Variants in ADCY9 observed in about 807,000 individuals in gnomAD.
ADCY9 encodes adenylate cyclase 9.
ADCY9 carries 50 observed loss-of-function variants against 101.5 expected under a neutral mutation model. The ratio of observed to expected loss-of-function variants is 0.49; its 90% CI spans 0.39 to 0.62. ADCY9 has a LOEUF of 0.62. ADCY9 is among the 20% of genes least tolerant of loss of function. The pLI is 0.00. For synonymous variants in ADCY9, 905 were observed against 769.3 expected (o/e 1.18, Z -2.92); for missense variants, 1,662 against 1,800.4 (o/e 0.92, Z 1.39).
Position 3,993,502 on chromosome 16 carries a change from A to C in ADCY9, c.1893T>G (p.Pro631=). The C allele has an allele frequency of 1.9e-6, 3 of 1,614,084 alleles. No individual in the cohort carries two copies. The highest frequency in any genetic ancestry group is 2.5e-6 in the Non-Finnish European group (3 of 1,180,016). ...VKTFDNLKTC[P]SCGITFAPKS... is the part of the protein sequence containing the mutation. ...TGGGAGCAAATGTGATTCCGCACGA[A>C]GGGCAGGTCTAGAAGAAAAACACAG... Residue 631 remains proline, a synonymous_variant, in exon 4 of 11, where the codon CCT becomes CCG. Coordinates refer to ENST00000294016, the MANE Select transcript of ADCY9 (RefSeq NM_001116.4).
chr16:4,059,644 T>C (rs573027053), intron 2 of ADCY9, among the ~76,000 whole-genome samples: 117 of 152,214 alleles, frequency 7.7e-4, no homozygotes, highest in Non-Finnish European at 1.4e-3. Flanking sequence ...CCACCTGCAA[T>C]TGTAGCACTT....
In ADCY9 at chr16:3,963,893, T is replaced by C. The variant is rs1249035443; in HGVS notation, c.*1882A>G. 6.6e-6 allele frequency: 1 copy of C among 151,994 alleles called. No homozygotes were observed. Among genetic ancestry groups the C allele is most frequent in the Non-Finnish European group, 1.5e-5 (1 of 67,940 alleles). 9.4% of individuals were successfully genotyped at this position (151,994 alleles called of 1,614,324 possible). A position where few individuals can be genotyped will look rare whatever the true frequency, so the allele number is the denominator to read the frequency against. ...TAATACATTCTTTAGAAGCAAGAGG[T>C]ATTGTCACAACCACCCTTTCTTCGG... On this transcript the variant is annotated 3_prime_UTR_variant, in exon 11 of 11. Transcript: ENST00000294016.
At chr16:4,011,134 G>A (rs2056401803) in intron 2 of ADCY9, among the ~76,000 whole-genome samples, 2 of 152,156 alleles carry the variant, frequency 1.3e-5, no homozygotes, top group South Asian at 4.1e-4. Flanking sequence ...AGGTCAGCCC[G>A]GCAATAGCAA....
intron 2 of ADCY9, among the ~76,000 whole-genome samples, chr16:4,014,976 G>C (rs560176605): frequency 8.7e-6 from 1 of 114,522 alleles, no homozygotes; most frequent in African/African-American, 3.4e-5. Context: ...GAGTCTCGCT[G>C]TGTGGCCCAG....
chr16:3,988,925 A>G, intron 6 of ADCY9, 69 bp downstream of exon 6: 1 of 1,247,030 alleles, frequency 8.0e-7, no homozygotes, highest in Non-Finnish European at 1.2e-6. Flanking sequence ...GCACAAAACT[A>G]ACAGTGAATG....
intron 2 of ADCY9, among the ~76,000 whole-genome samples, chr16:4,007,992 C>T (rs756214769): frequency 6.6e-6 from 1 of 152,044 alleles, no homozygotes; most frequent in Non-Finnish European, 1.5e-5. Flanking sequence ...TGGCAGCTTC[C>T]GGTACTGACC....
At position 3,977,640 on chromosome 16, in the gene ADCY9, G is replaced by A. The variant is rs751190594; in HGVS notation, c.2680-10C>T. The A allele has an allele frequency of 6.2e-7, 1 of 1,612,526 alleles. No individual in the cohort carries two copies. Among genetic ancestry groups the A allele is most frequent in the South Asian group, 1.1e-5 (1 of 90,968 alleles). ...CTGTGAACACTGGGAACTGCAAGAG[G>A]CGAAGGGTTAGGACAGCCGCCCAGG... On this transcript the variant is annotated splice_polypyrimidine_tract_variant and intron_variant, in intron 8 of 10. Coordinates refer to ENST00000294016, the MANE Select transcript of ADCY9 (RefSeq NM_001116.4).
chr16:4,049,201 G>A (rs1176307022), intron 2 of ADCY9, among the ~76,000 whole-genome samples: 3 of 152,096 alleles, frequency 2.0e-5, no homozygotes, highest in East Asian at 1.9e-4. Flanking sequence ...TGCTCCAAAC[G>A]GCCACGCACA....
At chr16:4,103,767 G>T (rs1440346297) in intron 2 of ADCY9, among the ~76,000 whole-genome samples, 1 of 152,088 alleles carries the variant, frequency 6.6e-6, no homozygotes, top group Non-Finnish European at 1.5e-5. Flanking sequence ...GGAGGCGGAG[G>T]TTGCAGTGAG....
intron 3 of ADCY9, among the ~76,000 whole-genome samples, chr16:3,996,424 A>G (rs911371841): frequency 6.6e-6 from 1 of 152,190 alleles, no homozygotes; most frequent in African/African-American, 2.4e-5. Context: ...CTCTTATTAA[A>G]TGTAAAAAAA....
intron 3 of ADCY9, among the ~76,000 whole-genome samples, chr16:3,999,338 A>G (rs1377546636): frequency 6.6e-6 from 1 of 152,196 alleles, no homozygotes; most frequent in Non-Finnish European, 1.5e-5. Flanking sequence ...TCCACGCAAT[A>G]TCTGCAGTCT....
intron 2 of ADCY9, among the ~76,000 whole-genome samples, chr16:4,023,992 A>G (rs144333710): frequency 6.7e-4 from 102 of 151,900 alleles, no homozygotes; most frequent in African/African-American, 2.4e-3. Context: ...ACACAGTTCG[A>G]TTCTTTCTTA....
chr16:4,008,794 G>T (rs1567435474), intron 2 of ADCY9, among the ~76,000 whole-genome samples: 1 of 152,134 alleles, frequency 6.6e-6, no homozygotes, highest in Non-Finnish European at 1.5e-5. Flanking sequence ...AACTCCTAGT[G>T]ATCTGCCCAC....
chr16:4,084,038 ACAGGGTCTCACCCTGTCACCCAGG>A (rs1391264415), intron 2 of ADCY9, among the ~76,000 whole-genome samples: 1 of 152,172 alleles, frequency 6.6e-6, no homozygotes, highest in Non-Finnish European at 1.5e-5. Context: ...TCTTTTTGAC[ACAGGGTCTCACCCTGTCACCCAGG>A]CTGGGTGACA....
rs967542706 is a variant in ADCY9 at position 3,965,317 on chromosome 16, C to A, written c.*458G>T. The A allele has an allele frequency of 5.5e-6, 1 of 181,428 alleles. No homozygotes were observed. Among genetic ancestry groups the A allele is most frequent in the Admixed American group, 5.5e-5 (1 of 18,264 alleles). 11.2% of individuals were successfully genotyped at this position (181,428 alleles called of 1,614,324 possible). ...ATAGAGAGGTCGGGTCGTAGAGGAA[C>A]ACTGTGACATAGACAGAAACAAAAT... On this transcript the variant is annotated 3_prime_UTR_variant, in exon 11 of 11. Transcript: ENST00000294016.
intron 2 of ADCY9, among the ~76,000 whole-genome samples, chr16:4,077,052 G>A (rs76444824): frequency 6.7e-6 from 1 of 149,082 alleles, no homozygotes; most frequent in Non-Finnish European, 1.5e-5. Flanking sequence ...ATTCCAGCCT[G>A]GGGGACAAGG....
chr16:4,108,476 C>T (rs1019807013), intron 2 of ADCY9, among the ~76,000 whole-genome samples: 1 of 138,548 alleles, frequency 7.2e-6, no homozygotes, highest in Admixed American at 8.1e-5. Context: ...TGGGTTCGAA[C>T]GATTCTCCTG....
chr16:4,012,366 G>A lies in ADCY9; in HGVS notation c.1694-4808C>T, dbSNP rs139794952. Among the ~76,000 whole-genome samples the A allele has an allele frequency of 3.6e-3, 537 of 150,926 alleles. 3 individuals are homozygous for A. The highest frequency in any genetic ancestry group is 0.012 in the African/African-American group (505 of 41,116). ...ACAGGTTACTGAGTTCAAGCCCAGC[G>A]AAAGTCTTAAGTCAGGAGACTCTGC... On this transcript the variant is annotated intron_variant, in intron 2 of 10. Coordinates refer to ENST00000294016, the MANE Select transcript of ADCY9 (RefSeq NM_001116.4).
chr16:4,092,561 C>T (rs1195198093), intron 2 of ADCY9, among the ~76,000 whole-genome samples: 1 of 152,120 alleles, frequency 6.6e-6, no homozygotes, highest in African/African-American at 2.4e-5. Flanking sequence ...ATTTCTAGTA[C>T]ATAAGCAAAA....
Sources: gnomAD v4.1 joint callset for allele counts (sites outside exome capture counted in the v4.1 genomes callset) on GRCh38, gnomAD v4.1.1 for gene constraint, MANE v1.5 for transcripts, NCBI Gene and HGNC (gene_info 2026-07-23, HGNC 2026-07-21) for gene names.